The following RAD51B variants were observed in gnomAD, a reference collection of about 807,000 sequenced individuals.
RAD51B encodes RAD51 paralog B.
RAD51B carries 38 observed loss-of-function variants against 42.2 expected under a neutral mutation model. The ratio of observed to expected loss-of-function variants is 0.90; its 90% confidence interval spans 0.70 to 1.18. The LOEUF (loss-of-function observed/expected upper bound fraction) is 1.18. Ranked by LOEUF, RAD51B falls within the 50% of genes most tolerant of loss-of-function variation. The probability of loss-of-function intolerance (pLI) is 0.00; values close to 1 mark genes in which losing one functional copy is unlikely to be tolerated. For synonymous variants in RAD51B, 154 were observed against 145.2 expected, an observed-to-expected ratio of 1.06 and a Z score of -0.43; for missense variants, 373 against 400.7, an observed-to-expected ratio of 0.93 and a Z score of 0.59.
rs778136542 is a variant in RAD51B, at chr14:68,331,367, C to CAAAAAAAAAAAAAAAAA, written c.853+39389_853+39405dup. 8.8e-4 allele frequency among the ~76,000 whole-genome samples: 29 copies of CAAAAAAAAAAAAAAAAA among 32,930 alleles called. 2 individuals are homozygous for CAAAAAAAAAAAAAAAAA. The highest frequency in any genetic ancestry group is 1.4e-3 in the African/African-American group (18 of 12,862). The allele number at this position is 32,930 out of a possible 152,430, so 21.6% of individuals were successfully genotyped here. ...TGGGCTACAGAACGAGACTCTGTCT[C>CAAAAAAAAAAAAAAAAA]AAAAAAAAAAAAAAAAAAGCAATGG... On this transcript the variant is annotated intron_variant, in intron 8 of 10. Transcript: ENST00000471583.
intron 10 of RAD51B, chr14:68,470,420 T>A (rs1000898960): frequency 2.2e-6 from 1 of 451,750 alleles, no homozygotes; most frequent in Non-Finnish European, 4.4e-6. Flanking sequence ...AAAATGCAGG[T>A]CCCCAGAAAA....
chr14:68,374,261 A>T (rs1009953434), intron 8 of RAD51B, among the ~76,000 whole-genome samples: 4 of 152,194 alleles, frequency 2.6e-5, no homozygotes, highest in Non-Finnish European at 4.4e-5. Context: ...ATAGGTGCTC[A>T]GAAAAAAAAT....
intron 10 of RAD51B, among the ~76,000 whole-genome samples, chr14:68,626,370 A>G (rs897016807): frequency 3.9e-5 from 6 of 152,194 alleles, no homozygotes; most frequent in Admixed American, 3.9e-4. Flanking sequence ...TTCCTCTTGA[A>G]CTACCTACTG....
chr14:68,207,048 C>T (rs2079605201), intron 7 of RAD51B, among the ~76,000 whole-genome samples: 1 of 152,124 alleles, frequency 6.6e-6, no homozygotes, highest in African/African-American at 2.4e-5. Context: ...CCTTGGCCTC[C>T]CAAAGTGCTG....
intron 7 of RAD51B, among the ~76,000 whole-genome samples, chr14:67,980,633 A>G (rs1327577366): frequency 6.6e-6 from 1 of 152,218 alleles, no homozygotes; most frequent in Non-Finnish European, 1.5e-5. Flanking sequence ...TATAAAGGCA[A>G]TTCACGGGTG....
intron 10 of RAD51B, among the ~76,000 whole-genome samples, chr14:68,578,725 T>C (rs865852384): frequency 6.6e-6 from 1 of 152,196 alleles, no homozygotes; most frequent in Non-Finnish European, 1.5e-5. Context: ...GAAGGGAATT[T>C]CAGGGAAAGT....
At chr14:68,404,653 C>T (rs2084214910) in intron 8 of RAD51B, among the ~76,000 whole-genome samples, 1 of 152,188 alleles carries the variant, frequency 6.6e-6, no homozygotes, top group Admixed American at 6.5e-5. Context: ...TCTTTCCAAT[C>T]CTTGCCAGAT....
chr14:68,531,334 G>A (rs1202971523), intron 10 of RAD51B, among the ~76,000 whole-genome samples: 1 of 152,114 alleles, frequency 6.6e-6, no homozygotes, highest in Non-Finnish European at 1.5e-5. Context: ...TATCAGATTA[G>A]AATTTTTAAA....
intron 7 of RAD51B, among the ~76,000 whole-genome samples, chr14:67,913,222 A>G (rs1472273864): frequency 6.6e-6 from 1 of 152,174 alleles, no homozygotes; most frequent in African/African-American, 2.4e-5. Flanking sequence ...TTGCTGTATC[A>G]TCTAGGCCAG....
chr14:67,990,822 C>T (rs1268807020), intron 7 of RAD51B, among the ~76,000 whole-genome samples: 1 of 152,078 alleles, frequency 6.6e-6, no homozygotes, highest in African/African-American at 2.4e-5. Context: ...GCGTGAAAAG[C>T]AAAACTGGAA....
At chr14:68,185,632 AGGG>A (rs2079142599) in intron 7 of RAD51B, among the ~76,000 whole-genome samples, 1 of 150,814 alleles carries the variant, frequency 6.6e-6, no homozygotes, top group African/African-American at 2.4e-5. Context: ...TTTTGACACC[AGGG>A]ACCAGTTTTG....
chr14:68,020,250 C>G (rs376988258), intron 7 of RAD51B, among the ~76,000 whole-genome samples: 1 of 152,224 alleles, frequency 6.6e-6, no homozygotes, highest in East Asian at 1.9e-4. Flanking sequence ...GCTGGGACCA[C>G]AGGCACGTGC....
intron 7 of RAD51B, among the ~76,000 whole-genome samples, chr14:67,932,890 C>A (rs551013935): frequency 6.6e-6 from 1 of 152,112 alleles, no homozygotes; most frequent in South Asian, 2.1e-4. Flanking sequence ...GCAGCTCCTC[C>A]GGCTTGTCCA....
At chr14:68,074,722 G>C (rs1445262736) in intron 7 of RAD51B, among the ~76,000 whole-genome samples, 1 of 152,176 alleles carries the variant, frequency 6.6e-6, no homozygotes, top group African/African-American at 2.4e-5. Flanking sequence ...GATGTTTTTA[G>C]AGGGCCGAGG....
intron 7 of RAD51B, among the ~76,000 whole-genome samples, chr14:68,094,937 T>A (rs2077167017): frequency 6.6e-6 from 1 of 152,338 alleles, no homozygotes; most frequent in South Asian, 2.1e-4. Flanking sequence ...TATGTTTTTT[T>A]CCTGAGGTGA....
intron 4 of RAD51B, among the ~76,000 whole-genome samples, chr14:67,836,082 T>C (rs1280587684): frequency 1.3e-5 from 2 of 152,218 alleles, no homozygotes; most frequent in African/African-American, 4.8e-5. Flanking sequence ...GGATAACAAA[T>C]TATCCCAAAA....
chr14:68,647,918 T>G (rs1329699834), intron 10 of RAD51B, among the ~76,000 whole-genome samples: 1 of 151,134 alleles, frequency 6.6e-6, no homozygotes, highest in Admixed American at 6.6e-5. Flanking sequence ...CCTTAGGGGA[T>G]CCACCCGCCT....
chr14:68,238,991 G>C (rs1164473658), intron 7 of RAD51B, among the ~76,000 whole-genome samples: 1 of 152,214 alleles, frequency 6.6e-6, no homozygotes, highest in East Asian at 1.9e-4. Context: ...TAGTTCTACA[G>C]AAATCTTGGG....
intron 4 of RAD51B, among the ~76,000 whole-genome samples, chr14:67,860,854 AAG>A (rs1444305754): frequency 6.6e-6 from 1 of 152,180 alleles, no homozygotes; most frequent in Non-Finnish European, 1.5e-5. Flanking sequence ...CAGATATGCA[AAG>A]AGAGTATTTC....
Sources: allele counts gnomAD v4.1 joint callset (sites outside exome capture counted in the v4.1 genomes callset), GRCh38; gene constraint gnomAD v4.1.1; transcripts MANE v1.5; gene names NCBI Gene and HGNC (gene_info 2026-07-23, HGNC 2026-07-21).